The following CHIT1 variants were observed in gnomAD, a reference collection of about 807,000 sequenced individuals.
The protein encoded by CHIT1 is chitotriosidase-1.
Under a neutral mutation model 52.0 loss-of-function variants are expected in CHIT1, and 47 were observed. That is an observed-to-expected ratio of 0.90 (90% CI 0.71 to 1.15). The LOEUF (loss-of-function observed/expected upper bound fraction) is 1.15. Ranked by LOEUF, CHIT1 falls within the 50% of genes most tolerant of loss-of-function variation. The pLI, the probability that CHIT1 is intolerant of heterozygous loss-of-function variation, is 0.00. For synonymous variants in CHIT1, 242 were observed against 228.2 expected (o/e 1.06, Z -0.54); for missense variants, 569 against 583.0 (o/e 0.98, Z 0.25).
In CHIT1 at chr1:203,223,538, C is replaced by T. The variant is rs1252133535; in HGVS notation, c.437G>A (p.Gly146Glu). The T allele has an allele frequency of 1.2e-6, 2 of 1,614,204 alleles. No homozygotes were observed. Among genetic ancestry groups the T allele is most frequent in the South Asian group, 1.1e-5 (1 of 91,082 alleles). ...GCGCTCCTTGTCTACGGCAGGGCTC[C>T]CCTGGCTTCCTGGGTACTCCCAGTC... ...DLDWEYPGSQGSPAVDKERFT... is the reference protein window; with the variant it reads ...DLDWEYPGSQESPAVDKERFT... The change falls in exon 5 of 11, where the codon GGG (glycine) becomes GAG (glutamate). Residue 146 changes from glycine to glutamate, a missense_variant. Gly to Glu is a moderately conservative substitution (Grantham distance 98). Coordinates refer to ENST00000367229, the MANE Select transcript of CHIT1 (RefSeq NM_003465.3).
Position 203,225,036 on chromosome 1 carries a change from C to T in CHIT1, c.314+12G>A, listed in dbSNP as rs760834885. 59 of 1,612,134 alleles carry T rather than the reference C, an allele frequency of 3.7e-5. No individual in the cohort carries two copies. The South Asian group carries it at 5.8e-4, about 16-fold the overall frequency. ...AGGAGCTTTACCACACAGGTGACCA[C>T]AGTCAACTAACTTCTGAGTGCCGAA... On this transcript the variant is annotated intron_variant, in intron 4 of 10. Coordinates refer to ENST00000367229, the MANE Select transcript of CHIT1 (RefSeq NM_003465.3).
At chr1:203,217,997 G>A in intron 9 of CHIT1, 132 bp from the exon 10 acceptor site, 1 of 1,536,566 alleles carries the variant, frequency 6.5e-7, no homozygotes, top group South Asian at 1.2e-5. Flanking sequence ...TGTAGATTCT[G>A]GAGACAGCCT....
At chr1:203,220,225 G>A (rs1004224839) in intron 7 of CHIT1, among the ~76,000 whole-genome samples, 8 of 152,150 alleles carry the variant, frequency 5.3e-5, no homozygotes, top group African/African-American at 1.9e-4. Flanking sequence ...GAACCTTGGT[G>A]TTCTGTCTGT....
chr1:203,221,932 G>A (rs570075265), intron 7 of CHIT1, among the ~76,000 whole-genome samples: 20 of 152,324 alleles, frequency 1.3e-4, no homozygotes, highest in Admixed American at 2.6e-4. Flanking sequence ...CAAGCTCAAA[G>A]TGGGCTTCCC....
chr1:203,227,148 C>T (rs958240831), intron 2 of CHIT1, among the ~76,000 whole-genome samples: 1 of 152,098 alleles, frequency 6.6e-6, no homozygotes, highest in African/African-American at 2.4e-5. Context: ...TGGGAAGAGA[C>T]CGCTCAGGCA....
intron 1 of CHIT1, among the ~76,000 whole-genome samples, chr1:203,228,890 A>T (rs770713059): frequency 6.6e-6 from 1 of 152,212 alleles, no homozygotes; most frequent in Admixed American, 6.5e-5. Context: ...ATTTAGAGAG[A>T]TAGTTTCTCT....
rs770152613 is a variant in CHIT1, at chr1:203,217,345, T to C, written c.1157-212A>G. 3.1e-4 allele frequency: 476 copies of C among 1,517,604 alleles called. 1 individual carries two copies. The highest frequency in any genetic ancestry group is 4.1e-4 in the Non-Finnish European group (463 of 1,135,314). 94.0% of individuals were successfully genotyped at this position (1,517,604 alleles called of 1,614,324 possible). Reference sequence around the variant, plus strand: ...GCCACAGGCAACACCTGGCCTCACATGTGACAGGCAGTTAAGGCTTTACCC... The same window carrying C: ...GCCACAGGCAACACCTGGCCTCACACGTGACAGGCAGTTAAGGCTTTACCC... On this transcript the variant is annotated intron_variant, in intron 10 of 10. Coordinates refer to ENST00000367229, the MANE Select transcript of CHIT1 (RefSeq NM_003465.3).
intron 7 of CHIT1, among the ~76,000 whole-genome samples, chr1:203,220,079 G>A (rs979497484): frequency 6.6e-6 from 1 of 152,112 alleles, no homozygotes; most frequent in Non-Finnish European, 1.5e-5. Flanking sequence ...GGCTTCGGAC[G>A]CAGACAACCA....
upstream of CHIT1, chr1:203,229,768 G>A: frequency 1.9e-6 from 2 of 1,046,462 alleles, no homozygotes; most frequent in South Asian, 1.3e-5. Flanking sequence ...GGGGATGGGA[G>A]CAGGGTGGGG....
At chr1:203,217,897 C>T (rs41304073) in intron 9 of CHIT1, 32 bp from the exon 10 acceptor site, 107 of 1,594,958 alleles carry the variant, frequency 6.7e-5, no homozygotes, top group Middle Eastern at 1.9e-4. Flanking sequence ...TGGAGGAGCC[C>T]GGGGAAGCCT....
Position 203,225,047 on chromosome 1 carries a change from C to A in CHIT1, c.314+1G>T, listed in dbSNP as rs201510066. On this transcript the variant is annotated splice_donor_variant, in intron 4 of 10. Coordinates refer to ENST00000367229, the MANE Select transcript of CHIT1 (RefSeq NM_003465.3). LOFTEE classifies it high-confidence loss of function. ...CACACAGGTGACCACAGTCAACTAA[C>A]TTCTGAGTGCCGAAATTCCAGCCTC... 241 of 1,613,708 alleles carry A rather than the reference C, an allele frequency of 1.5e-4. No individual in the cohort carries two copies. In the Middle Eastern group the frequency reaches 1.6e-3, roughly 11 times the overall value.
chr1:203,229,788 A>T, upstream of CHIT1: 1 of 870,002 alleles, frequency 1.1e-6, no homozygotes, highest in Non-Finnish European at 1.9e-6. Flanking sequence ...GAGGGGTAAG[A>T]TGTCAAGCAG....
chr1:203,224,489 G>A (rs1656854041), intron 4 of CHIT1, among the ~76,000 whole-genome samples: 1 of 152,290 alleles, frequency 6.6e-6, no homozygotes, highest in African/African-American at 2.4e-5. Context: ...GTTTTAGAAA[G>A]ACTGTTTAGA....
intron 3 of CHIT1, 118 bp downstream of exon 3, chr1:203,225,551 A>G: frequency 9.3e-7 from 1 of 1,071,250 alleles, no homozygotes; most frequent in Non-Finnish European, 1.4e-6. Flanking sequence ...CAACTTGCCC[A>G]AAGCCACACA....
At chr1:203,229,582 C>A in intron 1 of CHIT1, 30 bp downstream of exon 1, 1 of 1,613,612 alleles carries the variant, frequency 6.2e-7, no homozygotes, top group Non-Finnish European at 8.5e-7. Context: ...CCACAGCTCC[C>A]GAGACCCAGC....
rs1426738262 is a variant in CHIT1 at position 203,228,522 on chromosome 1, A to T, written c.55+11T>A. 9 of 1,587,468 alleles carry T rather than the reference A, an allele frequency of 5.7e-6. No individual in the cohort carries two copies. The highest frequency in any genetic ancestry group is 6.0e-6 in the Non-Finnish European group (7 of 1,164,786). On this transcript the variant is annotated intron_variant, in intron 2 of 10. Coordinates refer to ENST00000367229, the MANE Select transcript of CHIT1 (RefSeq NM_003465.3). ...GAAGGGGCTGAGGCAGCCAAGAAAG[A>T]GGCTACTTACCCCATGGGATCATCA... is the stretch of plus-strand genomic sequence containing the variant.
intron 2 of CHIT1, 85 bp downstream of exon 2, chr1:203,228,448 G>A: frequency 7.2e-7 from 1 of 1,395,808 alleles, no homozygotes; most frequent in Non-Finnish European, 9.9e-7. Context: ...TGGAGCTCTT[G>A]GGGAGGTCTG....
intron 2 of CHIT1, among the ~76,000 whole-genome samples, chr1:203,227,541 G>C (rs6704514): frequency 0.03 from 4,519 of 152,298 alleles, 232 homozygotes; most frequent in African/African-American, 0.1. Flanking sequence ...CTCGCTGTGC[G>C]ACTCAGCTTC....
intron 1 of CHIT1, 82 bp from the exon 2 acceptor site, chr1:203,228,644 G>A (rs1657018871): frequency 4.1e-6 from 6 of 1,474,658 alleles, no homozygotes; most frequent in African/African-American, 1.4e-5. Flanking sequence ...AAGCACAGGA[G>A]GTGGTCAGGG....
Sources: allele counts gnomAD v4.1 joint callset (sites outside exome capture counted in the v4.1 genomes callset), GRCh38; gene constraint gnomAD v4.1.1; transcripts MANE v1.5; gene names NCBI Gene and HGNC (gene_info 2026-07-23, HGNC 2026-07-21).